NRXN1: variants seen among roughly 807,000 people sequenced by gnomAD.
The protein encoded by NRXN1 is neurexin 1, also known as neurexin-1.
In NRXN1, 39 loss-of-function variants were observed where a neutral mutation model predicts 150.9. The ratio of observed to expected loss-of-function variants is 0.26; its 90% CI spans 0.20 to 0.34. The LOEUF (loss-of-function observed/expected upper bound fraction) is 0.34. Among genes scored for constraint, NRXN1 ranks in the 10% least tolerant of loss-of-function variants. The pLI, the probability that NRXN1 is intolerant of heterozygous loss-of-function variation, is 1.00. For synonymous variants in NRXN1, 924 were observed against 757.0 expected (o/e 1.22, Z -3.62); for missense variants, 1,815 against 1,949.9 (o/e 0.93, Z 1.30).
At chr2:50,009,526 G>A (rs1327522249) in intron 21 of NRXN1, among the ~76,000 whole-genome samples, 1 of 152,082 alleles carries the variant, frequency 6.6e-6, no homozygotes, top group Non-Finnish European at 1.5e-5. Context: ...TGAATTCCCT[G>A]CACAGTCTTC....
intron 5 of NRXN1, among the ~76,000 whole-genome samples, chr2:50,700,622 G>T (rs1240126851): frequency 6.6e-6 from 1 of 152,054 alleles, no homozygotes; most frequent in Admixed American, 6.5e-5. Flanking sequence ...CTATTAACTA[G>T]GCTCTAATAA....
At chr2:50,339,546 C>T (rs2077413944) in intron 17 of NRXN1, among the ~76,000 whole-genome samples, 1 of 152,150 alleles carries the variant, frequency 6.6e-6, no homozygotes, top group African/African-American at 2.4e-5. Context: ...ACAAATCTCA[C>T]CGATATTAAG....
At chr2:50,084,294 G>A (rs950640969) in intron 19 of NRXN1, among the ~76,000 whole-genome samples, 17 of 152,322 alleles carry the variant, frequency 1.1e-4, no homozygotes, top group Non-Finnish European at 2.4e-4. Flanking sequence ...GCCCGTGGCG[G>A]GGGGACACTG....
chr2:51,014,166 G>T (rs1668313740), intron 2 of NRXN1, among the ~76,000 whole-genome samples: 1 of 152,070 alleles, frequency 6.6e-6, no homozygotes, highest in African/African-American at 2.4e-5. Context: ...GGGATGAACA[G>T]ACCAGGATGA....
At chr2:50,800,344 T>C (rs1194616133) in intron 5 of NRXN1, among the ~76,000 whole-genome samples, 1 of 152,184 alleles carries the variant, frequency 6.6e-6, no homozygotes, top group Non-Finnish European at 1.5e-5. Flanking sequence ...TCACTATCTA[T>C]ATTTACATTG....
At chr2:49,939,767 T>G (rs1671659367) in intron 22 of NRXN1, among the ~76,000 whole-genome samples, 2 of 152,150 alleles carry the variant, frequency 1.3e-5, no homozygotes, top group South Asian at 4.1e-4. Flanking sequence ...TGCCAGACAT[T>G]GCAATAAATG....
intron 18 of NRXN1, among the ~76,000 whole-genome samples, chr2:50,234,022 T>C (rs1357298442): frequency 2.6e-5 from 4 of 152,030 alleles, no homozygotes; most frequent in Non-Finnish European, 5.9e-5. Context: ...CTTTCTTTCT[T>C]CTTTCCTTCC....
chr2:50,828,019 A>G (rs537342877), intron 5 of NRXN1, among the ~76,000 whole-genome samples: 16 of 149,592 alleles, frequency 1.1e-4, no homozygotes, highest in African/African-American at 1.7e-4. Context: ...CCACACAGAC[A>G]GGGCAACCAT....
chr2:50,700,564 A>G lies in NRXN1; in HGVS notation c.833-76949T>C, dbSNP rs575453744. Reference sequence around the variant, plus strand: ...TTGCTGTGACCTTATTGTATTAGTAATAATAGCACCAAGGTAACAAGTCCT... The same window carrying G: ...TTGCTGTGACCTTATTGTATTAGTAGTAATAGCACCAAGGTAACAAGTCCT... On this transcript the variant is annotated intron_variant, in intron 5 of 22. Coordinates refer to ENST00000401669, the MANE Select transcript of NRXN1 (RefSeq NM_001330078.2). Among the ~76,000 whole-genome samples, 9 of 152,342 alleles carry G rather than the reference A, an allele frequency of 5.9e-5. No individual in the cohort carries two copies. The East Asian group carries it at 1.4e-3, about 23-fold the overall frequency.
At chr2:50,511,761 G>A (rs1172894097) in intron 12 of NRXN1, among the ~76,000 whole-genome samples, 2 of 152,164 alleles carry the variant, frequency 1.3e-5, no homozygotes, top group Non-Finnish European at 2.9e-5. Flanking sequence ...ATGTGTGTAT[G>A]TGGGTGTGTG....
chr2:50,088,355 A>C (rs144968437), intron 19 of NRXN1, among the ~76,000 whole-genome samples: 1 of 152,260 alleles, frequency 6.6e-6, no homozygotes, highest in Non-Finnish European at 1.5e-5. Context: ...TTAATAAAAC[A>C]TCTGATGACA....
At chr2:50,910,673 C>T (rs1684390303) in intron 5 of NRXN1, among the ~76,000 whole-genome samples, 1 of 151,884 alleles carries the variant, frequency 6.6e-6, no homozygotes, top group African/African-American at 2.4e-5. Context: ...TGCAATCCAG[C>T]TAAAGAACTT....
At chr2:50,948,123 T>C (rs1233486715) in intron 2 of NRXN1, among the ~76,000 whole-genome samples, 3 of 151,964 alleles carry the variant, frequency 2.0e-5, no homozygotes, top group East Asian at 1.9e-4. Context: ...ACCACATTTC[T>C]TCAATAAAAA....
intron 5 of NRXN1, among the ~76,000 whole-genome samples, chr2:50,893,802 A>G (rs936527175): frequency 6.6e-6 from 1 of 152,164 alleles, no homozygotes; most frequent in Non-Finnish European, 1.5e-5. Flanking sequence ...ACAATTTATT[A>G]AAAACTTGAC....
intron 18 of NRXN1, among the ~76,000 whole-genome samples, chr2:50,193,090 G>C (rs1223704376): frequency 1.3e-5 from 2 of 152,058 alleles, no homozygotes; most frequent in African/African-American, 4.8e-5. Flanking sequence ...CAATATTCTT[G>C]CACAATAGTA....
chr2:50,335,590 GA>G (rs905964608), intron 17 of NRXN1, among the ~76,000 whole-genome samples: 1 of 152,064 alleles, frequency 6.6e-6, no homozygotes, highest in Non-Finnish European at 1.5e-5. Flanking sequence ...AGAGAGCGAG[GA>G]AAAAAATATT....
Position 49,993,975 on chromosome 2 carries a change from T to G in NRXN1, c.4129-50184A>C, listed in dbSNP as rs1682485812. 2.0e-5 allele frequency among the ~76,000 whole-genome samples: 3 copies of G among 152,126 alleles called. No individual in the cohort carries two copies. In the South Asian group the frequency reaches 6.2e-4, roughly 32 times the overall value. ...AAATCACATGCCCATCAGATGGCAT[T>G]CTCAAATTTCCTGCCCTGTACCCCA... On this transcript the variant is annotated intron_variant, in intron 21 of 22. Transcript: ENST00000401669.
At chr2:50,523,770 C>T (rs6732076) in intron 12 of NRXN1, among the ~76,000 whole-genome samples, 133,345 of 152,242 alleles carry the variant, frequency 0.88, 58,825 homozygotes, top group African/African-American at 0.97. Context: ...AAAGCGAGGT[C>T]AAGTACTTGT....
intron 5 of NRXN1, among the ~76,000 whole-genome samples, chr2:50,884,356 T>G (rs1196251781): frequency 6.6e-6 from 1 of 151,796 alleles, no homozygotes; most frequent in African/African-American, 2.4e-5. Flanking sequence ...TTCTTATGCC[T>G]ACACATATTA....
Sources: gnomAD v4.1 joint callset for allele counts (sites outside exome capture counted in the v4.1 genomes callset) on GRCh38, gnomAD v4.1.1 for gene constraint, MANE v1.5 for transcripts, NCBI Gene and HGNC (gene_info 2026-07-23, HGNC 2026-07-21) for gene names.